ZMYM2: variants seen among roughly 807,000 people sequenced by gnomAD.
The protein encoded by ZMYM2 is zinc finger MYM-type protein 2.
Under a neutral mutation model 162.8 loss-of-function variants are expected in ZMYM2, and 56 were observed. The observed-to-expected ratio is 0.34, with a 90% CI of 0.28 to 0.43. The LOEUF (loss-of-function observed/expected upper bound fraction) is 0.43. ZMYM2 is among the 20% of genes least tolerant of loss of function. The pLI is 1.00. For synonymous variants in ZMYM2, 510 were observed against 541.6 expected, an observed-to-expected ratio of 0.94 and a Z score of 0.81; for missense variants, 1,275 against 1,621.8, an observed-to-expected ratio of 0.79 and a Z score of 3.67.
the ZMYM2 span, among the ~76,000 whole-genome samples, chr13:19,900,750 C>T: frequency 1.3e-5 from 2 of 152,010 alleles, no homozygotes; most frequent in Non-Finnish European, 2.9e-5. Flanking sequence ...CAAAGTACTA[C>T]AAAACAGAAT....
chr13:19,946,739 A>G, the ZMYM2 span, among the ~76,000 whole-genome samples: 1 of 152,226 alleles, frequency 6.6e-6, no homozygotes, highest in Non-Finnish European at 1.5e-5. Context: ...TGAATGAACA[A>G]CAAAGATCTT....
At chr13:19,924,461 G>C in the ZMYM2 span, among the ~76,000 whole-genome samples, 1 of 151,350 alleles carries the variant, frequency 6.6e-6, no homozygotes, top group Non-Finnish European at 1.5e-5. Flanking sequence ...TCAGCTACTT[G>C]GGAGGCTGAG....
At chr13:19,968,336 G>A (rs1352388277) in intron 2 of ZMYM2, among the ~76,000 whole-genome samples, 3 of 151,690 alleles carry the variant, frequency 2.0e-5, no homozygotes, top group African/African-American at 7.3e-5. Context: ...TCCGCCTCCC[G>A]GGTTCAAGCG....
intron 12 of ZMYM2, among the ~76,000 whole-genome samples, chr13:20,047,819 C>T (rs1954961596): frequency 6.6e-6 from 1 of 152,038 alleles, no homozygotes. Context: ...TGACATCATG[C>T]AACCAAAAAA....
intron 2 of ZMYM2, among the ~76,000 whole-genome samples, chr13:19,980,851 T>G (rs1294209228): frequency 6.6e-6 from 1 of 152,068 alleles, no homozygotes; most frequent in Non-Finnish European, 1.5e-5. Flanking sequence ...TCTGTTAGTA[T>G]TTTTATTGAG....
the ZMYM2 span, among the ~76,000 whole-genome samples, chr13:19,935,995 T>A: frequency 1.3e-5 from 2 of 152,200 alleles, no homozygotes; most frequent in Non-Finnish European, 2.9e-5. Context: ...TAGGAGCGTT[T>A]CAAAACAGTC....
chr13:20,024,161 C>T (rs1395152480), intron 7 of ZMYM2, among the ~76,000 whole-genome samples: 2 of 152,064 alleles, frequency 1.3e-5, no homozygotes, highest in Non-Finnish European at 2.9e-5. Context: ...TCTCGAACTC[C>T]CAACCTCATG....
intron 12 of ZMYM2, among the ~76,000 whole-genome samples, chr13:20,050,545 A>G (rs1401295294): frequency 6.6e-6 from 1 of 152,024 alleles, no homozygotes; most frequent in African/African-American, 2.4e-5. Flanking sequence ...CAGAAACTTA[A>G]ATTATGAAAA....
At chr13:20,027,041 C>T (rs1296091760) in intron 8 of ZMYM2, among the ~76,000 whole-genome samples, 162 bp from the exon 9 acceptor site, 7 of 151,910 alleles carry the variant, frequency 4.6e-5, no homozygotes, top group East Asian at 1.9e-4. Flanking sequence ...TATCAGAGTC[C>T]GTTATGACAA....
chr13:19,916,584 C>A, the ZMYM2 span, among the ~76,000 whole-genome samples: 1 of 152,006 alleles, frequency 6.6e-6, no homozygotes, highest in Non-Finnish European at 1.5e-5. Flanking sequence ...AAGCTGGAAA[C>A]CATCATTCTC....
upstream of ZMYM2, among the ~76,000 whole-genome samples, chr13:19,955,366 T>C (rs1255296422): frequency 1.3e-5 from 2 of 152,068 alleles, no homozygotes; most frequent in Admixed American, 6.6e-5. Flanking sequence ...AAAAACTCTA[T>C]GAAAGAGGAA....
chr13:19,962,358 G>GTATAATTA (rs1955309502), intron 2 of ZMYM2, among the ~76,000 whole-genome samples: 2 of 151,514 alleles, frequency 1.3e-5, no homozygotes, highest in Non-Finnish European at 2.9e-5. Flanking sequence ...GGTGTCAAAA[G>GTATAATTA]GCATGGTATA....
intron 2 of ZMYM2, among the ~76,000 whole-genome samples, chr13:19,984,370 A>G (rs1192423726): frequency 1.3e-5 from 2 of 152,250 alleles, no homozygotes; most frequent in African/African-American, 4.8e-5. Context: ...TTAAAAATTA[A>G]TTGGAAACTT....
At chr13:19,889,229 A>G in the ZMYM2 span, among the ~76,000 whole-genome samples, 2 of 151,972 alleles carry the variant, frequency 1.3e-5, no homozygotes, top group Non-Finnish European at 1.5e-5. Context: ...ACCTTGCGCC[A>G]AAACCCTTGG....
At chr13:20,034,553 A>C in intron 11 of ZMYM2, 149 bp downstream of exon 11, 1 of 690,888 alleles carries the variant, frequency 1.4e-6, no homozygotes, top group Non-Finnish European at 2.1e-6. Context: ...TCGTTATTTT[A>C]TATGTGTTTG....
At chr13:20,031,470 C>T in intron 10 of ZMYM2, 35 bp downstream of exon 10, 2 of 1,333,384 alleles carry the variant, frequency 1.5e-6, no homozygotes, top group Non-Finnish European at 2.0e-6. Flanking sequence ...TTATCTAATG[C>T]TAAAAAGAAA....
At chr13:19,881,113 T>G in the ZMYM2 span, among the ~76,000 whole-genome samples, 4 of 151,920 alleles carry the variant, frequency 2.6e-5, no homozygotes, top group African/African-American at 7.2e-5. Context: ...GGTCTCGAAC[T>G]CCTGACCTCG....
At chr13:20,076,945 C>T (rs1170708676) in intron 21 of ZMYM2, among the ~76,000 whole-genome samples, 6 of 150,368 alleles carry the variant, frequency 4.0e-5, no homozygotes, top group Non-Finnish European at 7.4e-5. Flanking sequence ...AAGTGATTCT[C>T]CTGCCTCAGC....
chr13:19,978,662 T>G (rs1226653289), intron 2 of ZMYM2, among the ~76,000 whole-genome samples: 1 of 151,756 alleles, frequency 6.6e-6, no homozygotes, highest in Non-Finnish European at 1.5e-5. Flanking sequence ...TGATCTGCCT[T>G]CCTTGGCCTC....
Sources: allele counts gnomAD v4.1 joint callset (sites outside exome capture counted in the v4.1 genomes callset), GRCh38; gene constraint gnomAD v4.1.1; transcripts MANE v1.5; gene names NCBI Gene and HGNC (gene_info 2026-07-23, HGNC 2026-07-21).